The following ADGRD1 variants were observed in gnomAD, a reference collection of about 807,000 sequenced individuals.
ADGRD1 encodes the protein G-protein coupled receptor 133.
A neutral mutation model predicts 113.4 loss-of-function variants in ADGRD1; 77 were observed. The observed-to-expected ratio is 0.68, with a 90% CI of 0.57 to 0.82. The LOEUF (loss-of-function observed/expected upper bound fraction) is 0.82. Ranked by LOEUF, ADGRD1 falls within the 40% of genes least tolerant of loss-of-function variation. The probability of loss-of-function intolerance (pLI) is 0.00; values close to 1 mark genes in which losing one functional copy is unlikely to be tolerated. For missense variants in ADGRD1, 1,036 were observed against 1,139.1 expected (o/e 0.91, Z 1.30); for synonymous variants, 474 against 475.0 (o/e 1.00, Z 0.03).
intron 13 of ADGRD1, among the ~76,000 whole-genome samples, chr12:131,018,105 G>C (rs982841037): frequency 1.3e-5 from 2 of 152,202 alleles, no homozygotes; most frequent in African/African-American, 4.8e-5. Context: ...GATTTGTTTT[G>C]TCTGGTATGG....
In ADGRD1 at chr12:130,954,620, G is replaced by A. The variant is rs749895293; in HGVS notation, c.67-4G>A. The A allele has an allele frequency of 8.7e-6, 14 of 1,613,794 alleles. No homozygotes were observed. In the East Asian group the frequency reaches 2.7e-4, roughly 31 times the overall value. On this transcript the variant is annotated splice_region_variant and splice_polypyrimidine_tract_variant and intron_variant, in intron 1 of 24. Coordinates refer to ENST00000261654, the MANE Select transcript of ADGRD1 (RefSeq NM_198827.5). This position sits in a 1 kb window ranked among gnomAD's most constrained non-coding sequence, Gnocchi z 4.7. Reference sequence around the variant, plus strand: ...TGTCTCACACTGTGGTCTTTTGTGCGCAGGTGCGTGGCGTCTACTCCAGAT... The same window carrying A: ...TGTCTCACACTGTGGTCTTTTGTGCACAGGTGCGTGGCGTCTACTCCAGAT...
intron 3 of ADGRD1, chr12:130,969,837 A>G (rs1871411816): frequency 6.6e-6 from 1 of 152,190 alleles, no homozygotes; most frequent in African/African-American, 2.4e-5. Flanking sequence ...AGTTCCCAGG[A>G]TTGTCTAAGC....
At chr12:131,132,213 A>G (rs1266175412) in intron 21 of ADGRD1, among the ~76,000 whole-genome samples, 1 of 152,110 alleles carries the variant, frequency 6.6e-6, no homozygotes, top group Admixed American at 6.5e-5. Context: ...CGCCTTCCTC[A>G]CGTGCAGAAC....
intron 14 of ADGRD1, among the ~76,000 whole-genome samples, chr12:131,083,996 T>C (rs1044673966): frequency 6.6e-6 from 1 of 152,112 alleles, no homozygotes; most frequent in African/African-American, 2.4e-5. Flanking sequence ...TCACTGTACG[T>C]TGTGTTTTGG....
chr12:131,074,022 A>G (rs1019584350), intron 13 of ADGRD1, among the ~76,000 whole-genome samples: 1 of 152,188 alleles, frequency 6.6e-6, no homozygotes, highest in Admixed American at 6.5e-5. Context: ...CTTACATAAA[A>G]GCCAGCACAT....
At chr12:130,974,198 G>A (rs1479757433) in intron 4 of ADGRD1, among the ~76,000 whole-genome samples, 1 of 152,242 alleles carries the variant, frequency 6.6e-6, no homozygotes, top group South Asian at 2.1e-4. Flanking sequence ...TTCTGTGTGC[G>A]GGAAAACAAG....
At chr12:131,131,691 C>A in intron 20 of ADGRD1, 34 bp from the exon 21 acceptor site, 1 of 1,403,866 alleles carries the variant, frequency 7.1e-7, no homozygotes, top group Non-Finnish European at 1.0e-6. Flanking sequence ...GCAGCCCAGG[C>A]CCCCCTCACC....
chr12:131,029,329 C>G (rs1435652103), intron 13 of ADGRD1, among the ~76,000 whole-genome samples: 2 of 152,232 alleles, frequency 1.3e-5, no homozygotes, highest in Non-Finnish European at 2.9e-5. Context: ...TCCCCCTCCT[C>G]TGCTCCTGCC....
chr12:131,109,620 T>C (rs1260092093), intron 18 of ADGRD1, among the ~76,000 whole-genome samples: 2 of 152,260 alleles, frequency 1.3e-5, no homozygotes, highest in African/African-American at 4.8e-5. Context: ...TTCAGTCCTT[T>C]TAACTGTATT....
intron 5 of ADGRD1, among the ~76,000 whole-genome samples, chr12:130,983,962 CAG>C (rs1873326583): frequency 6.6e-6 from 1 of 152,128 alleles, no homozygotes; most frequent in African/African-American, 2.4e-5. Flanking sequence ...GTTCTTGTGC[CAG>C]AGAGAAGAGT....
At chr12:131,078,035 C>T (rs950159495) in intron 14 of ADGRD1, among the ~76,000 whole-genome samples, 1 of 152,214 alleles carries the variant, frequency 6.6e-6, no homozygotes, top group Non-Finnish European at 1.5e-5. Context: ...CAGGGCTCCC[C>T]AACACCTGGG....
chr12:131,087,733 C>A (rs932935771), intron 15 of ADGRD1, among the ~76,000 whole-genome samples: 5 of 152,360 alleles, frequency 3.3e-5, no homozygotes, highest in Admixed American at 6.5e-5. Flanking sequence ...CCACGCCCCC[C>A]CCATGCCTTC....
chr12:130,958,903 A>G (rs1870013218), intron 2 of ADGRD1, among the ~76,000 whole-genome samples: 1 of 152,186 alleles, frequency 6.6e-6, no homozygotes, highest in Non-Finnish European at 1.5e-5. Context: ...ACGCCCTCGC[A>G]CCGCGGGTGG....
At chr12:131,123,612 G>A (rs1454951323) in intron 20 of ADGRD1, among the ~76,000 whole-genome samples, 2 of 151,860 alleles carry the variant, frequency 1.3e-5, no homozygotes, top group African/African-American at 2.4e-5. Context: ...ATGAGGTCAG[G>A]AGATCGAGAC....
intron 13 of ADGRD1, among the ~76,000 whole-genome samples, chr12:131,047,161 TCCTGGTCAGTGTCTTC>T (rs1882925221): frequency 6.6e-6 from 1 of 151,960 alleles, no homozygotes; most frequent in Admixed American, 6.6e-5. Flanking sequence ...AGTGTTCCTT[TCCTGGTCAGTGTCTTC>T]CCTGGTTTGT....
rs967944281 is a variant in ADGRD1 at position 131,000,568 on chromosome 12, C to G, written c.1026+126C>G. The G allele has an allele frequency of 7.2e-5, 47 of 648,856 alleles. No individual in the cohort carries two copies. In the Admixed American group the frequency reaches 1.0e-3, roughly 14 times the overall value. 40.2% of individuals were successfully genotyped at this position (648,856 alleles called of 1,614,324 possible). A position where few individuals can be genotyped will look rare whatever the true frequency, so the allele number is the denominator to read the frequency against. On this transcript the variant is annotated intron_variant, in intron 9 of 24. Coordinates refer to ENST00000261654, the MANE Select transcript of ADGRD1 (RefSeq NM_198827.5). Reference sequence around the variant, plus strand: ...CCAGCCTGGCCAATGTGGCAAAACCCCATCTCTACTAAAAATACAAAAATT... The same window carrying G: ...CCAGCCTGGCCAATGTGGCAAAACCGCATCTCTACTAAAAATACAAAAATT...
chr12:131,134,585 A>G (rs539001800), intron 21 of ADGRD1, among the ~76,000 whole-genome samples: 133 of 152,344 alleles, frequency 8.7e-4, no homozygotes, highest in Non-Finnish European at 1.5e-3. Context: ...TTTTTATTGC[A>G]TTAGCATTAT....
intron 19 of ADGRD1, among the ~76,000 whole-genome samples, chr12:131,118,855 G>A (rs1439692192): frequency 1.3e-5 from 2 of 152,216 alleles, no homozygotes; most frequent in African/African-American, 4.8e-5. Flanking sequence ...GTAACTCACA[G>A]GGAGCAGACA....
intron 8 of ADGRD1, among the ~76,000 whole-genome samples, chr12:130,997,200 G>A (rs1271848781): frequency 1.3e-4 from 8 of 60,092 alleles, no homozygotes; most frequent in Non-Finnish European, 2.2e-4. Flanking sequence ...CCCCCCCCCC[G>A]GACGGGGCAG....
Sources: allele counts gnomAD v4.1 joint callset (sites outside exome capture counted in the v4.1 genomes callset), GRCh38; gene constraint gnomAD v4.1.1; non-coding constraint Gnocchi (gnomAD v3.1); transcripts MANE v1.5; gene names NCBI Gene and HGNC (gene_info 2026-07-23, HGNC 2026-07-21).